Variants in CD101 observed in about 807,000 individuals in gnomAD.
CD101 encodes CD101 molecule.
A neutral mutation model predicts 98.2 loss-of-function variants in CD101; 76 were observed. The observed-to-expected ratio is 0.77, with a 90% CI of 0.64 to 0.94. The LOEUF (loss-of-function observed/expected upper bound fraction) is 0.94, where lower values mean the gene tolerates loss of function less well. Ranked by LOEUF, CD101 falls within the 40% of genes least tolerant of loss-of-function variation. The pLI, the probability that CD101 is intolerant of heterozygous loss-of-function variation, is 0.00. For missense variants in CD101, 1,145 were observed against 1,218.8 expected (o/e 0.94, Z 0.90); for synonymous variants, 471 against 472.7 (o/e 1.00, Z 0.05).
At chr1:117,020,571 A>G (rs1268274697) in intron 6 of CD101, among the ~76,000 whole-genome samples, 1 of 152,064 alleles carries the variant, frequency 6.6e-6, no homozygotes, top group African/African-American at 2.4e-5. Flanking sequence ...CAAAAATCTC[A>G]CACTTGAGAA....
In CD101 at chr1:117,018,547, C is replaced by T. The variant is rs757891702; in HGVS notation, c.2004C>T (p.Ala668=). 1.9e-5 allele frequency: 31 copies of T among 1,590,938 alleles called. No individual in the cohort carries two copies. Among genetic ancestry groups the T allele is most frequent in the African/African-American group, 9.4e-5 (7 of 74,198 alleles). ...CCATCTCTCACCCACTGAGGATAGC[C>T]GTCACTTTACCAGGTAAGTGTGACT... ...ASAISHPLRI[A]VTLPESKLKV... Residue 668 remains alanine (A), a synonymous_variant, in exon 6 of 10, where the codon GCC becomes GCT. Transcript: ENST00000682167. The surrounding 1 kb of genome is among the most constrained non-coding windows in gnomAD (Gnocchi z 4.3).
At chr1:117,027,051 G>A (rs72699136) in intron 8 of CD101, among the ~76,000 whole-genome samples, 1 of 152,052 alleles carries the variant, frequency 6.6e-6, no homozygotes, top group Non-Finnish European at 1.5e-5. Flanking sequence ...GAAATCATAC[G>A]CTGGTTACTT....
At chr1:117,031,314 T>C (rs968439596) in intron 8 of CD101, among the ~76,000 whole-genome samples, 2 of 152,106 alleles carry the variant, frequency 1.3e-5, no homozygotes, top group East Asian at 3.9e-4. Flanking sequence ...GAGTAGCAGA[T>C]TTATTTCCAC....
chr1:117,013,762 G>A lies in CD101; in HGVS notation c.1198G>A (p.Asp400Asn). 1 of 1,613,022 alleles carries A rather than the reference G, an allele frequency of 6.2e-7. No individual in the cohort carries two copies. The highest frequency in any genetic ancestry group is 8.5e-7 in the Non-Finnish European group (1 of 1,179,824). ...GGTGCTTCAGAGAAAGCAGTCACCA[G>A]ACAGCCACGTGCACCTGAGGAAGCC... ...WQVLQRKQSP[D>N]SHVHLRKPAA... The change falls in exon 4 of 10, where the codon GAC becomes AAC. Residue 400 changes from aspartate (D) to asparagine (N), a missense_variant. Coordinates refer to ENST00000682167, the MANE Select transcript of CD101 (RefSeq NM_001256106.3).
chr1:117,008,207 G>A (rs550379147), intron 1 of CD101, among the ~76,000 whole-genome samples: 1 of 152,200 alleles, frequency 6.6e-6, no homozygotes, highest in Non-Finnish European at 1.5e-5. Context: ...GCTCACACCT[G>A]TAATTCCAGC....
intron 8 of CD101, among the ~76,000 whole-genome samples, chr1:117,030,461 AG>A (rs1654384836): frequency 6.6e-6 from 1 of 151,762 alleles, no homozygotes; most frequent in Non-Finnish European, 1.5e-5. Flanking sequence ...AAGAAAAGAA[AG>A]AAAAAAAGAG....
chr1:117,009,463 G>T (rs1286201325), intron 1 of CD101, among the ~76,000 whole-genome samples: 1 of 152,252 alleles, frequency 6.6e-6, no homozygotes, highest in African/African-American at 2.4e-5. Flanking sequence ...CCGATGGCAG[G>T]CACCCTGGAA....
At chr1:117,007,147 ATAAT>A (rs1331975176) in intron 1 of CD101, among the ~76,000 whole-genome samples, 2 of 152,146 alleles carry the variant, frequency 1.3e-5, no homozygotes, top group Non-Finnish European at 2.9e-5. Flanking sequence ...TTTGTTTAAA[ATAAT>A]TTTAAAATAA....
Position 117,004,815 on chromosome 1 carries a change from G to A in CD101, c.43+2955G>A, listed in dbSNP as rs373669366. 7.0e-6 allele frequency among the ~76,000 whole-genome samples: 1 copy of A among 143,450 alleles called. No homozygotes were observed. Among genetic ancestry groups the A allele is most frequent in the Non-Finnish European group, 1.5e-5 (1 of 65,470 alleles). 94.1% of individuals were successfully genotyped at this position (143,450 alleles called of 152,430 possible). On this transcript the variant is annotated intron_variant, in intron 1 of 9. Transcript: ENST00000682167. This position sits in a 1 kb window ranked among gnomAD's most constrained non-coding sequence, Gnocchi z 4.1. ...CTATTTCTTTCACTTTTCTCAGAAA[G>A]TAGTATGTCTTAGACTGTTTGGCGT... is the stretch of plus-strand genomic sequence containing the variant.
In CD101 at chr1:117,023,140, C is replaced by A. The variant is rs1002113948; in HGVS notation, c.2428+1157C>A. Among the ~76,000 whole-genome samples, 18 of 152,224 alleles carry A rather than the reference C, an allele frequency of 1.2e-4. No individual in the cohort carries two copies. The highest frequency in any genetic ancestry group is 2.9e-5 in the Non-Finnish European group (2 of 68,040). On this transcript the variant is annotated intron_variant, in intron 7 of 9. Transcript: ENST00000682167. This position sits in a 1 kb window ranked among gnomAD's most constrained non-coding sequence, Gnocchi z 4.4. The stretch of plus-strand genomic sequence containing the variant: ...CTTGGATGCCCCCATACTCAGCATG[C>A]CCTAAATTGCACTTAGCATCTCTGC...
At chr1:117,013,901 A>G in intron 4 of CD101, 109 bp downstream of exon 4, 2 of 1,261,818 alleles carry the variant, frequency 1.6e-6, no homozygotes, top group South Asian at 3.2e-5. Flanking sequence ...AGCAGGTTTC[A>G]ATCAGATCAC....
chr1:117,007,504 A>G lies in CD101; in HGVS notation c.44-2346A>G, dbSNP rs369619249. On this transcript the variant is annotated intron_variant, in intron 1 of 9. Coordinates refer to ENST00000682167, the MANE Select transcript of CD101 (RefSeq NM_001256106.3). Reference sequence around the variant, plus strand: ...CTAGGATTACAGGCACCTTGCCACCATGCCTGGCTAATTTTGTATTTTTAG... The same window carrying G: ...CTAGGATTACAGGCACCTTGCCACCGTGCCTGGCTAATTTTGTATTTTTAG... Among the ~76,000 whole-genome samples, 33 of 152,100 alleles carry G rather than the reference A, an allele frequency of 2.2e-4. No individual in the cohort carries two copies. The South Asian group carries it at 6.9e-3, about 32-fold the overall frequency.
Position 117,003,356 on chromosome 1 carries a change from G to C in CD101, c.43+1496G>C, listed in dbSNP as rs17036695. ...GAGTTGAATTGTGCTCATGTCTCTA[G>C]GTACATATGATAGTGTGAGGTTAAG... is the stretch of plus-strand genomic sequence containing the variant. On this transcript the variant is annotated intron_variant, in intron 1 of 9. Coordinates refer to ENST00000682167, the MANE Select transcript of CD101 (RefSeq NM_001256106.3). 7.0e-3 allele frequency among the ~76,000 whole-genome samples: 1,060 copies of C among 152,324 alleles called. 13 individuals carry two copies. The highest frequency in any genetic ancestry group is 0.023 in the African/African-American group (967 of 41,564).
In CD101 at chr1:117,010,091, C is replaced by T. The variant is rs754857607; in HGVS notation, c.285C>T (p.Tyr95=). The change falls in exon 2 of 10, where the codon TAC becomes TAT. Residue 95 remains tyrosine (Y), a synonymous_variant. Transcript: ENST00000682167. This position sits in a 1 kb window ranked among gnomAD's most constrained non-coding sequence, Gnocchi z 5.2. ...YTQRVRSGDV[Y]VERVQGNSVL... ...AGCGGGTGCGAAGCGGAGACGTCTA[C>T]GTGGAGAGGGTCCAGGGCAACTCAG... 5.0e-6 allele frequency: 8 copies of T among 1,614,206 alleles called. No homozygotes were observed. The highest frequency in any genetic ancestry group is 4.4e-5 in the South Asian group (4 of 91,084).
chr1:117,009,611 A>G (rs1652753427), intron 1 of CD101, among the ~76,000 whole-genome samples: 1 of 152,258 alleles, frequency 6.6e-6, no homozygotes, highest in African/African-American at 2.4e-5. Context: ...GATGAAGCTA[A>G]ATTTTTTTAA....
chr1:117,010,118 C>G lies in CD101; in HGVS notation c.312C>G (p.Val104=). The change falls in exon 2 of 10, where the codon GTC becomes GTG. Residue 104 remains valine, a synonymous_variant. Transcript: ENST00000682167. This position sits in a 1 kb window ranked among gnomAD's most constrained non-coding sequence, Gnocchi z 5.2. Reference sequence around the variant, plus strand: ...TGGAGAGGGTCCAGGGCAACTCAGTCTTGTTGCACATCTCAAAACTCCAGA... The same window carrying G: ...TGGAGAGGGTCCAGGGCAACTCAGTGTTGTTGCACATCTCAAAACTCCAGA... ...VYVERVQGNS[V]LLHISKLQMK... 1 of 1,614,202 alleles carries G rather than the reference C, an allele frequency of 6.2e-7. No individual in the cohort carries two copies. Among genetic ancestry groups the G allele is most frequent in the Non-Finnish European group, 8.5e-7 (1 of 1,180,032 alleles).
rs1398379466 is a variant in CD101, at chr1:117,011,646, C to A, written c.521C>A (p.Thr174Lys). ...LALTCEASKA[T>K]AQHTHLSVTW... ...CTCACCTGTGAGGCATCCAAAGCCA[C>A]AGCCCAACATACTCACCTCTCTGTC... The change falls in exon 3 of 10, where the codon ACA becomes AAA. Residue 174 changes from threonine to lysine, a missense_variant. Coordinates refer to ENST00000682167, the MANE Select transcript of CD101 (RefSeq NM_001256106.3). 1.2e-6 allele frequency: 2 copies of A among 1,614,080 alleles called. No individual in the cohort carries two copies. Among genetic ancestry groups the A allele is most frequent in the Admixed American group, 3.3e-5 (2 of 59,998 alleles).
chr1:117,030,892 CT>C (rs992489149), intron 8 of CD101, among the ~76,000 whole-genome samples: 1 of 152,172 alleles, frequency 6.6e-6, no homozygotes, highest in Non-Finnish European at 1.5e-5. Flanking sequence ...AGGAGTGCTC[CT>C]TTTGCTGTGC....
At chr1:117,003,127 G>A (rs1652336394) in intron 1 of CD101, among the ~76,000 whole-genome samples, 3 of 152,142 alleles carry the variant, frequency 2.0e-5, no homozygotes, top group Non-Finnish European at 4.4e-5. Context: ...GGGTGACAGA[G>A]TGAGATTCCA....
Sources: gnomAD v4.1 joint callset for allele counts (sites outside exome capture counted in the v4.1 genomes callset) on GRCh38, gnomAD v4.1.1 for gene constraint, Gnocchi (gnomAD v3.1) non-coding constraint, MANE v1.5 for transcripts, NCBI Gene and HGNC (gene_info 2026-07-23, HGNC 2026-07-21) for gene names.